NEU1: variants seen among roughly 807,000 people sequenced by gnomAD.
NEU1 encodes the protein neuraminidase 1.
Under a neutral mutation model 38.3 loss-of-function variants are expected in NEU1, and 32 were observed. The observed-to-expected ratio is 0.84, with a 90% confidence interval of 0.63 to 1.12. NEU1 has a LOEUF of 1.12. Among genes scored for constraint, NEU1 ranks in the 50% most tolerant of loss-of-function variants. NEU1 has a pLI of 0.00. For missense variants in NEU1, 431 were observed against 549.2 expected (o/e 0.78, Z 2.15); for synonymous variants, 192 against 225.2 (o/e 0.85, Z 1.32).
chr6:31,858,276 A>G lies in NEU1; in HGVS notation c.*1443T>C, dbSNP rs895012996. ...GCTTGAGCTCAGCAGTTTGAGACCAACCTAGGCAATATAGTGAGACTTTGT... is the reference window on the plus strand; with the variant it reads ...GCTTGAGCTCAGCAGTTTGAGACCAGCCTAGGCAATATAGTGAGACTTTGT... On this transcript the variant is annotated 3_prime_UTR_variant, in exon 6 of 6. Coordinates refer to ENST00000375631, the MANE Select transcript of NEU1 (RefSeq NM_000434.4). 2.2e-4 allele frequency: 33 copies of G among 152,114 alleles called. No homozygotes were observed. The highest frequency in any genetic ancestry group is 8.0e-4 in the African/African-American group (33 of 41,484). The allele number at this position is 152,114 out of a possible 1,614,324, so 9.4% of individuals were successfully genotyped here. A position where few individuals can be genotyped will look rare whatever the true frequency, so the allele number is the denominator to read the frequency against.
rs886061289 is a variant in NEU1 at position 31,861,329 on chromosome 6, A to C, written c.474T>G (p.Cys158Trp). 4 of 1,612,932 alleles carry C rather than the reference A, an allele frequency of 2.5e-6. No homozygotes were observed. The highest frequency in any genetic ancestry group is 3.4e-6 in the Non-Finnish European group (4 of 1,180,040). The change falls in exon 3 of 6, where the codon TGT becomes TGG. Residue 158 changes from cysteine (C) to tryptophan (W), a missense_variant. Coordinates refer to ENST00000375631, the MANE Select transcript of NEU1 (RefSeq NM_000434.4). Reference protein sequence around the residue: ...TGVVFLFYSLCAHKAGCQVAS... With the variant: ...TGVVFLFYSLWAHKAGCQVAS... ...CCACCTGGCAGCCGGCCTTGTGAGCACAAAGGGAGTAGAAAAGAAATACTA... is the reference window on the plus strand; with the variant it reads ...CCACCTGGCAGCCGGCCTTGTGAGCCCAAAGGGAGTAGAAAAGAAATACTA...
chr6:31,861,488 T>A (rs1762511613), intron 2 of NEU1, 38 bp from the exon 3 acceptor site: 1 of 1,612,334 alleles, frequency 6.2e-7, no homozygotes. Flanking sequence ...GAGTGAGCAC[T>A]CTGCAGGTAC....
intron 2 of NEU1, 80 bp downstream of exon 2, chr6:31,861,919 T>C: frequency 6.6e-7 from 1 of 1,514,328 alleles, no homozygotes. Context: ...TAAGTTCCCC[T>C]ATCCTCAGGG....
In NEU1 at chr6:31,857,939, C is replaced by G. The variant is rs1436293443; in HGVS notation, c.*1780G>C. ...GGTGTGCAGTGCTGTGATCTCAGCT[C>G]ACTGCAAACTCCGCCTCCTGGTTCA... On this transcript the variant is annotated 3_prime_UTR_variant, in exon 6 of 6. Coordinates refer to ENST00000375631, the MANE Select transcript of NEU1 (RefSeq NM_000434.4). 6.6e-6 allele frequency: 1 copy of G among 152,048 alleles called. No homozygotes were observed. The highest frequency in any genetic ancestry group is 1.5e-5 in the Non-Finnish European group (1 of 68,060). 9.4% of individuals were successfully genotyped at this position (152,048 alleles called of 1,614,324 possible).
In NEU1 at chr6:31,861,450, C is replaced by T; in HGVS notation, c.353G>A (p.Gly118Asp). The T allele has an allele frequency of 1.2e-6, 2 of 1,612,828 alleles. No homozygotes were observed. The highest frequency in any genetic ancestry group is 1.7e-6 in the Non-Finnish European group (2 of 1,180,026). The change falls in exon 3 of 6, where the codon GGC (glycine) becomes GAC (aspartate). Residue 118 changes from glycine (G) to aspartate (D), a missense_variant and splice_region_variant. Transcript: ENST00000375631. ...GAACGCTGTAGGAGACCATGTGCTG[C>T]CTGAAAAAAATTGGAGGAAGAAACC... ...FIALRRSMDQ[G>D]STWSPTAFIV...
rs1249216438 is a variant in NEU1 at position 31,861,297 on chromosome 6, G to C, written c.506C>G (p.Thr169Ser). ...ATCATCCTTGCTCCATACCAACATG[G>C]TAGAGGCCACCTGGCAGCCGGCCTT... ...AHKAGCQVAS[T>S]MLVWSKDDGV... The change falls in exon 3 of 6, where the codon ACC (threonine) becomes AGC (serine). Residue 169 changes from threonine (T) to serine (S), a missense_variant. Transcript: ENST00000375631. The C allele has an allele frequency of 2.5e-6, 4 of 1,613,044 alleles. No homozygotes were observed. Among genetic ancestry groups the C allele is most frequent in the Non-Finnish European group, 3.4e-6 (4 of 1,180,030 alleles).
chr6:31,860,490 G>T lies in NEU1; in HGVS notation c.747C>A (p.Ile249=), dbSNP rs114143271. 1 of 1,613,968 alleles carries T rather than the reference G, an allele frequency of 6.2e-7. No homozygotes were observed. Among genetic ancestry groups the T allele is most frequent in the African/African-American group, 1.3e-5 (1 of 74,960 alleles). ...SWRYGSGVSG[I]PYGQPKQEND... ...TTTCCTGCTTGGGCTGACCGTAGGGGATGCCGCTGACCCCACTTCCGTAGC... is the reference window on the plus strand; with the variant it reads ...TTTCCTGCTTGGGCTGACCGTAGGGTATGCCGCTGACCCCACTTCCGTAGC... The change falls in exon 4 of 6, where the codon ATC becomes ATA. Residue 249 remains isoleucine, a synonymous_variant. Coordinates refer to ENST00000375631, the MANE Select transcript of NEU1 (RefSeq NM_000434.4). The surrounding 1 kb of genome is among the most constrained non-coding windows in gnomAD (Gnocchi z 4.8).
chr6:31,859,888 G>A lies in NEU1; in HGVS notation c.1079C>T (p.Thr360Ile), dbSNP rs534562078. The change falls in exon 6 of 6, where the codon ACA (threonine) becomes ATA (isoleucine). Residue 360 changes from threonine (T) to isoleucine (I), a missense_variant. Transcript: ENST00000375631. ...ACTGGGGCCTGGCCATAGCTGGACT[G>A]TCTCTTTCCGCCATGAGGTACCATT... ...FSNGTSWRKE[T>I]VQLWPGPSGY... 12 of 1,613,090 alleles carry A rather than the reference G, an allele frequency of 7.4e-6. No homozygotes were observed. The African/African-American group carries it at 1.2e-4, about 16-fold the overall frequency.
rs768536429 is a variant in NEU1, at chr6:31,860,063, TG to T, written c.999del (p.Asn334ThrfsTer9). The T allele has an allele frequency of 6.2e-7, 1 of 1,612,848 alleles. No homozygotes were observed. On this transcript the variant is annotated frameshift_variant, in exon 5 of 6. Coordinates refer to ENST00000375631, the MANE Select transcript of NEU1 (RefSeq NM_000434.4). LOFTEE classifies it high-confidence loss of function. This position sits in a 1 kb window ranked among gnomAD's most constrained non-coding sequence, Gnocchi z 4.8. ...TCACGGAACTCTGGATGTGCTGGGT[TG>T]GAGAAGAAGACAATGCCGGAGCTGG... ...VVTSSGIVFF[S>X]NPAHPEFRVN...
In NEU1 at chr6:31,859,770, G is replaced by A; in HGVS notation, c.1197C>T (p.His399=). The A allele has an allele frequency of 6.2e-7, 1 of 1,613,048 alleles. No homozygotes were observed. The highest frequency in any genetic ancestry group is 8.5e-7 in the Non-Finnish European group (1 of 1,180,042). ...LYVLYEKGRN[H]YTESISVAKI... is the part of the protein sequence containing the mutation. ...TGGCCACGGAGATGCTCTCTGTGTA[G>A]TGGTTCCGGCCTTTCTCATACAGGA... Residue 399 remains histidine (H), a synonymous_variant, in exon 6 of 6, where the codon CAC becomes CAT. Coordinates refer to ENST00000375631, the MANE Select transcript of NEU1 (RefSeq NM_000434.4).
chr6:31,860,970 C>T lies in NEU1; in HGVS notation c.615+218G>A, dbSNP rs563278290. On this transcript the variant is annotated intron_variant, in intron 3 of 5. Coordinates refer to ENST00000375631, the MANE Select transcript of NEU1 (RefSeq NM_000434.4). The surrounding 1 kb of genome is among the most constrained non-coding windows in gnomAD (Gnocchi z 4.8). ...TGCATGAGGGTATTGCATGGACTAA[C>T]GCAGTCCTGTTGACAATGCCAAATG... 1.1e-5 allele frequency: 7 copies of T among 649,728 alleles called. No individual in the cohort carries two copies. Among genetic ancestry groups the T allele is most frequent in the South Asian group, 1.9e-5 (1 of 52,134 alleles). The allele number at this position is 649,728 out of a possible 1,614,324, so 40.2% of individuals were successfully genotyped here. A position where few individuals can be genotyped will look rare whatever the true frequency, so the allele number is the denominator to read the frequency against.
In NEU1 at chr6:31,859,457, C is replaced by G. The variant is rs1012037868; in HGVS notation, c.*262G>C. 2.7e-5 allele frequency: 16 copies of G among 602,952 alleles called. No individual in the cohort carries two copies. The highest frequency in any genetic ancestry group is 4.5e-5 in the Non-Finnish European group (15 of 335,518). The allele number at this position is 602,952 out of a possible 1,614,324, so 37.4% of individuals were successfully genotyped here. On this transcript the variant is annotated 3_prime_UTR_variant, in exon 6 of 6. Coordinates refer to ENST00000375631, the MANE Select transcript of NEU1 (RefSeq NM_000434.4). ...AGGACCAATCAATGTCCCGGGAGGGCAGAGAGGGTGGTGGGGCCACACTTA... is the reference window on the plus strand; with the variant it reads ...AGGACCAATCAATGTCCCGGGAGGGGAGAGAGGGTGGTGGGGCCACACTTA...
Position 31,859,736 on chromosome 6 carries a change from C to T in NEU1, c.1231G>A (p.Val411Ile). 1 of 1,612,916 alleles carries T rather than the reference C, an allele frequency of 6.2e-7. No homozygotes were observed. The change falls in exon 6 of 6, where the codon GTC becomes ATC. Residue 411 changes from valine to isoleucine, a missense_variant. Physicochemically the swap from Val to Ile is conservative, Grantham distance 29 (BLOSUM62 3). Transcript: ENST00000375631. ...TESISVAKIS[V>I]YGTL ...GGCACAGCTCAGAGTGTCCCATAGA[C>T]ACTGATTTTGGCCACGGAGATGCTC...
Position 31,859,758 on chromosome 6 carries a change from G to A in NEU1, c.1209C>T (p.Ser403=). ...YEKGRNHYTE[S]ISVAKISVYG... ...AGACACTGATTTTGGCCACGGAGAT[G>A]CTCTCTGTGTAGTGGTTCCGGCCTT... Residue 403 remains serine (S), a synonymous_variant, in exon 6 of 6, where the codon AGC becomes AGT. Coordinates refer to ENST00000375631, the MANE Select transcript of NEU1 (RefSeq NM_000434.4). The A allele has an allele frequency of 2.5e-6, 4 of 1,613,036 alleles. No homozygotes were observed. The highest frequency in any genetic ancestry group is 3.4e-6 in the Non-Finnish European group (4 of 1,180,040).
chr6:31,860,837 C>T lies in NEU1; in HGVS notation c.616-216G>A, dbSNP rs936829770. 7 of 650,258 alleles carry T rather than the reference C, an allele frequency of 1.1e-5. No individual in the cohort carries two copies. The Admixed American group carries it at 1.3e-4, about 12-fold the overall frequency. The allele number at this position is 650,258 out of a possible 1,614,324, so 40.3% of individuals were successfully genotyped here. On this transcript the variant is annotated intron_variant, in intron 3 of 5. Coordinates refer to ENST00000375631, the MANE Select transcript of NEU1 (RefSeq NM_000434.4). This position sits in a 1 kb window ranked among gnomAD's most constrained non-coding sequence, Gnocchi z 4.8. ...CAGCTGGACATGTGCACCAGGGGCC[C>T]AGCCACAGGGTGCATGAGAGCTTAA... is the stretch of plus-strand genomic sequence containing the variant.
In NEU1 at chr6:31,859,694, A is replaced by G; in HGVS notation, c.*25T>C. The G allele has an allele frequency of 6.2e-7, 1 of 1,609,326 alleles. No individual in the cohort carries two copies. The highest frequency in any genetic ancestry group is 8.5e-7 in the Non-Finnish European group (1 of 1,177,444). On this transcript the variant is annotated 3_prime_UTR_variant, in exon 6 of 6. Transcript: ENST00000375631. ...CCTGAAGGCAGAGTCCTGAAGGCAG[A>G]ATACCCCTGTGGCAGTGGCACAGCT...
Position 31,860,475 on chromosome 6 carries a change from G to C in NEU1, c.762C>G (p.Pro254=), listed in dbSNP as rs752064821. The C allele has an allele frequency of 1.9e-6, 3 of 1,613,926 alleles. No homozygotes were observed. Among genetic ancestry groups the C allele is most frequent in the Non-Finnish European group, 2.5e-6 (3 of 1,180,008 alleles). Residue 254 remains proline (P), a synonymous_variant, in exon 4 of 6, where the codon CCC becomes CCG. Coordinates refer to ENST00000375631, the MANE Select transcript of NEU1 (RefSeq NM_000434.4). This position sits in a 1 kb window ranked among gnomAD's most constrained non-coding sequence, Gnocchi z 4.8. ...CAGGATTGAAATCATTTTCCTGCTT[G>C]GGCTGACCGTAGGGGATGCCGCTGA... ...SGVSGIPYGQ[P]KQENDFNPDE...
chr6:31,860,962 T>C lies in NEU1; in HGVS notation c.615+226A>G, dbSNP rs1025169108. ...TTCTACTTTGCATGAGGGTATTGCA[T>C]GGACTAACGCAGTCCTGTTGACAAT... On this transcript the variant is annotated intron_variant, in intron 3 of 5. Transcript: ENST00000375631. This position sits in a 1 kb window ranked among gnomAD's most constrained non-coding sequence, Gnocchi z 4.8. 1 of 637,014 alleles carries C rather than the reference T, an allele frequency of 1.6e-6. No homozygotes were observed. Among genetic ancestry groups the C allele is most frequent in the Middle Eastern group, 4.2e-4 (1 of 2,354 alleles). The allele number at this position is 637,014 out of a possible 1,614,324, so 39.5% of individuals were successfully genotyped here.
At position 31,859,813 on chromosome 6, in the gene NEU1, T is replaced by C. The variant is rs745364721; in HGVS notation, c.1154A>G (p.Gln385Arg). 6.2e-6 allele frequency: 10 copies of C among 1,612,940 alleles called. No homozygotes were observed. The Admixed American group carries it at 1.5e-4, about 24-fold the overall frequency. Reference sequence around the variant, plus strand: ...ATACAGGACGTAGAGCTGGGGGGCCTGCTCCTCTCCATCCATGCTGCCCTC... The same window carrying C: ...ATACAGGACGTAGAGCTGGGGGGCCCGCTCCTCTCCATCCATGCTGCCCTC... ...TLEGSMDGEE[Q>R]APQLYVLYEK... The change falls in exon 6 of 6, where the codon CAG becomes CGG. Residue 385 changes from glutamine to arginine, a missense_variant. By Grantham distance (43) the Gln-to-Arg change is conservative (BLOSUM62 1). Transcript: ENST00000375631.
Sources: allele counts gnomAD v4.1 joint callset, GRCh38; gene constraint gnomAD v4.1.1; non-coding constraint Gnocchi (gnomAD v3.1); transcripts MANE v1.5; gene names NCBI Gene and HGNC (gene_info 2026-07-23, HGNC 2026-07-21).